The following VPS37A variants were observed in gnomAD, a reference collection of about 807,000 sequenced individuals.
VPS37A encodes VPS37A subunit of ESCRT-I, also known as vacuolar protein sorting-associated protein 37A.
Under a neutral mutation model 49.8 loss-of-function variants are expected in VPS37A, and 30 were observed. The observed-to-expected ratio is 0.60, with a 90% CI of 0.45 to 0.82. The LOEUF is 0.82. VPS37A is among the 40% of genes least tolerant of loss of function. The pLI is 0.00. For missense variants in VPS37A, 593 were observed against 464.4 expected (o/e 1.28, Z -2.55); for synonymous variants, 195 against 160.6 (o/e 1.21, Z -1.62).
At chr8:17,302,084 G>C, downstream of VPS37A, 8 of 1,588,880 alleles carry the variant, frequency 5.0e-6, no homozygotes, top group Non-Finnish European at 6.0e-6. Flanking sequence ...AATCTTAAGA[G>C]GCTTTCATGA....
Position 17,280,149 on chromosome 8 carries a change from C to T in VPS37A, c.835C>T (p.Leu279=). 1.9e-6 allele frequency: 3 copies of T among 1,612,142 alleles called. No homozygotes were observed. The highest frequency in any genetic ancestry group is 2.5e-6 in the Non-Finnish European group (3 of 1,179,106). Residue 279 remains leucine, a synonymous_variant, in exon 7 of 12, where the codon CTA becomes TTA. Coordinates refer to ENST00000324849, the MANE Select transcript of VPS37A (RefSeq NM_152415.3). ...TGACTTAGTAAAAAGTATTGAGGAACTAGCAAGTATGTTTTCCCTCTCCTG... is the reference window on the plus strand; with the variant it reads ...TGACTTAGTAAAAAGTATTGAGGAATTAGCAAGTATGTTTTCCCTCTCCTG... ...KDDLVKSIEE[L]ARKNLLLEPS...
intron 9 of VPS37A, 80 bp from the exon 10 acceptor site, chr8:17,284,393 A>G: frequency 6.8e-7 from 1 of 1,476,630 alleles, no homozygotes; most frequent in Non-Finnish European, 8.9e-7. Context: ...GCCTCTCCAT[A>G]CCACTACCTT....
At chr8:17,265,736 C>G (rs776045964) in intron 1 of VPS37A, 171 bp from the exon 2 acceptor site, 1 of 1,511,094 alleles carries the variant, frequency 6.6e-7, no homozygotes, top group African/African-American at 1.4e-5. Flanking sequence ...AGATGATGAG[C>G]CTTTCTAACT....
intron 9 of VPS37A, 90 bp from the exon 10 acceptor site, chr8:17,284,383 G>T: frequency 1.4e-6 from 2 of 1,418,140 alleles, no homozygotes; most frequent in Non-Finnish European, 1.9e-6. Flanking sequence ...ATAATAAATT[G>T]CCTCTCCATA....
downstream of VPS37A, among the ~76,000 whole-genome samples, chr8:17,304,191 A>C (rs901817310): frequency 2.0e-5 from 3 of 152,190 alleles, no homozygotes; most frequent in African/African-American, 7.2e-5. Context: ...CACATTTAGG[A>C]GGAATAAAGA....
Position 17,280,244 on chromosome 8 carries a change from A to C in VPS37A, c.847A>C (p.Asn283His). 1 of 1,612,690 alleles carries C rather than the reference A, an allele frequency of 6.2e-7. No homozygotes were observed. Among genetic ancestry groups the C allele is most frequent in the Non-Finnish European group, 8.5e-7 (1 of 1,179,286 alleles). The change falls in exon 8 of 12, where the codon AAT becomes CAT. Residue 283 changes from asparagine (N) to histidine (H), a missense_variant. Physicochemically the swap from Asn to His is moderately conservative, Grantham distance 68. Coordinates refer to ENST00000324849, the MANE Select transcript of VPS37A (RefSeq NM_152415.3). ...ACTAGAGATTTATCTTACAGGAAAA[A>C]ATCTCCTTTTGGAGCCCAGCTTGGA... ...VKSIEELARKNLLLEPSLEAK... is the reference protein window; with the variant it reads ...VKSIEELARKHLLLEPSLEAK...
intron 1 of VPS37A, among the ~76,000 whole-genome samples, chr8:17,255,282 A>G (rs1034129981): frequency 1.3e-5 from 2 of 152,084 alleles, no homozygotes; most frequent in Non-Finnish European, 2.9e-5. Flanking sequence ...GGAGTTCGAG[A>G]CCAGCCTGGC....
At position 17,252,872 on chromosome 8, in the gene VPS37A, T is replaced by A. The variant is rs1186113865; in HGVS notation, c.125+5503T>A. Among the ~76,000 whole-genome samples the A allele has an allele frequency of 2.0e-5, 3 of 152,244 alleles. No homozygotes were observed. The East Asian group carries it at 5.8e-4, about 29-fold the overall frequency. ...ATTGAAGCTACAGAAATCTCCAAAA[T>A]ATCAACATTTTGACTGTGTAAATGC... On this transcript the variant is annotated intron_variant, in intron 1 of 11. Coordinates refer to ENST00000324849, the MANE Select transcript of VPS37A (RefSeq NM_152415.3).
intron 6 of VPS37A, among the ~76,000 whole-genome samples, chr8:17,279,057 T>C (rs1814787081): frequency 6.6e-6 from 1 of 152,156 alleles, no homozygotes; most frequent in South Asian, 2.1e-4. Context: ...TATGAATATC[T>C]GTACACACAT....
chr8:17,326,090 T>C, the VPS37A span, among the ~76,000 whole-genome samples: 2 of 152,166 alleles, frequency 1.3e-5, no homozygotes, highest in African/African-American at 4.8e-5. Flanking sequence ...AGAGACTCAA[T>C]CAAGAACCCA....
chr8:17,321,456 T>C, the VPS37A span, among the ~76,000 whole-genome samples: 1 of 152,232 alleles, frequency 6.6e-6, no homozygotes, highest in Non-Finnish European at 1.5e-5. Context: ...CACCAGTTTC[T>C]CAAGCAAAGT....
At chr8:17,326,469 G>C in the VPS37A span, 1 of 152,208 alleles carries the variant, frequency 6.6e-6, no homozygotes, top group Admixed American at 6.5e-5. Flanking sequence ...GTGGTCACAA[G>C]CTGTGAGCTT....
chr8:17,248,473 A>G (rs1162278889), intron 1 of VPS37A: 7 of 434,522 alleles, frequency 1.6e-5, no homozygotes, highest in Admixed American at 4.9e-5. Context: ...ACGGGGTTTC[A>G]CCACATTGGT....
chr8:17,281,969 C>T (rs1815098740), intron 9 of VPS37A, among the ~76,000 whole-genome samples: 1 of 151,934 alleles, frequency 6.6e-6, no homozygotes, highest in Non-Finnish European at 1.5e-5. Context: ...TTCATTCTCC[C>T]CAAAATAACT....
At chr8:17,332,183 T>C in the VPS37A span, among the ~76,000 whole-genome samples, 1 of 152,094 alleles carries the variant, frequency 6.6e-6, no homozygotes, top group Admixed American at 6.5e-5. Flanking sequence ...ACAGGAGGGC[T>C]AACCCAGGCA....
chr8:17,300,677 C>T (rs1476792707), downstream of VPS37A, among the ~76,000 whole-genome samples: 2 of 152,196 alleles, frequency 1.3e-5, no homozygotes, highest in Non-Finnish European at 2.9e-5. Flanking sequence ...TAGTTATATT[C>T]ACAAGGTTGT....
At chr8:17,310,342 C>G in the VPS37A span, among the ~76,000 whole-genome samples, 107,782 of 152,096 alleles carry the variant, frequency 0.71, 39,074 homozygotes, top group African/African-American at 0.86. Flanking sequence ...TGGATAGTCT[C>G]ATCAATATCC....
At chr8:17,325,268 G>C in the VPS37A span, among the ~76,000 whole-genome samples, 1 of 152,216 alleles carries the variant, frequency 6.6e-6, no homozygotes, top group East Asian at 1.9e-4. Flanking sequence ...ACATGTGACC[G>C]TCATACCCAC....
At chr8:17,285,094 G>A (rs1437689712) in intron 10 of VPS37A, among the ~76,000 whole-genome samples, 4 of 151,908 alleles carry the variant, frequency 2.6e-5, no homozygotes, top group Admixed American at 6.6e-5. Context: ...AATTACTTTA[G>A]CATACTCATG....
Sources: allele counts gnomAD v4.1 joint callset (sites outside exome capture counted in the v4.1 genomes callset), GRCh38; gene constraint gnomAD v4.1.1; transcripts MANE v1.5; gene names NCBI Gene and HGNC (gene_info 2026-07-23, HGNC 2026-07-21).